Variants in CNTN4 observed in about 807,000 individuals in gnomAD.
The protein encoded by CNTN4 is contactin 4.
CNTN4 carries 77 observed loss-of-function variants against 122.5 expected under a neutral mutation model. That is an observed-to-expected ratio of 0.63 (90% confidence interval 0.52 to 0.76). CNTN4 has a LOEUF of 0.76. Among genes scored for constraint, CNTN4 ranks in the 30% least tolerant of loss-of-function variants. The pLI is 0.00. For synonymous variants in CNTN4, 512 were observed against 447.0 expected, an observed-to-expected ratio of 1.15 and a Z score of -1.83; for missense variants, 1,256 against 1,259.1, an observed-to-expected ratio of 1.00 and a Z score of 0.04.
intron 13 of CNTN4, among the ~76,000 whole-genome samples, chr3:2,939,665 C>A (rs1456355492): frequency 6.6e-6 from 1 of 152,140 alleles, no homozygotes; most frequent in East Asian, 1.9e-4. Context: ...AGATCACTTA[C>A]CCAAACTGCT....
At chr3:2,164,048 T>G (rs2036080182) in intron 2 of CNTN4, among the ~76,000 whole-genome samples, 1 of 152,028 alleles carries the variant, frequency 6.6e-6, no homozygotes, top group Admixed American at 6.6e-5. Flanking sequence ...GGATGGGGGA[T>G]AAAAGACTAC....
rs1281103502 is a variant in CNTN4, at chr3:3,001,766, G to T, written c.1486+13294G>T. ...TTAAATTATTAAGTAGATGCAAATTGACCATGATGGGGATTTGAGAAGACG... is the reference window on the plus strand; with the variant it reads ...TTAAATTATTAAGTAGATGCAAATTTACCATGATGGGGATTTGAGAAGACG... On this transcript the variant is annotated intron_variant, in intron 14 of 24. Coordinates refer to ENST00000418658, the MANE Select transcript of CNTN4 (RefSeq NM_175607.3). 2.0e-5 allele frequency among the ~76,000 whole-genome samples: 3 copies of T among 152,114 alleles called. No individual in the cohort carries two copies. In the East Asian group the frequency reaches 5.8e-4, roughly 29 times the overall value.
At chr3:2,373,723 C>A (rs984741191) in intron 3 of CNTN4, among the ~76,000 whole-genome samples, 11 of 152,108 alleles carry the variant, frequency 7.2e-5, no homozygotes, top group African/African-American at 2.7e-4. Flanking sequence ...AATTTTAAAG[C>A]TTCTATTGTC....
chr3:2,158,483 G>A (rs1201310986), intron 2 of CNTN4, among the ~76,000 whole-genome samples: 1 of 152,178 alleles, frequency 6.6e-6, no homozygotes, highest in Non-Finnish European at 1.5e-5. Flanking sequence ...GACAACCATT[G>A]TAAATGCTTA....
At chr3:2,608,964 TCTC>T (rs1222742117) in intron 4 of CNTN4, among the ~76,000 whole-genome samples, 1 of 152,224 alleles carries the variant, frequency 6.6e-6, no homozygotes, top group Non-Finnish European at 1.5e-5. Flanking sequence ...CTGGTCTTGT[TCTC>T]CTTTCATCTT....
At chr3:2,423,466 CAG>C (rs753460653) in intron 3 of CNTN4, among the ~76,000 whole-genome samples, 5 of 150,522 alleles carry the variant, frequency 3.3e-5, no homozygotes, top group Non-Finnish European at 5.9e-5. Flanking sequence ...TTCTGAAAGA[CAG>C]GGTGAAAACT....
rs931434647 is a variant in CNTN4, at chr3:2,780,999, G to T, written c.358+35302G>T. Among the ~76,000 whole-genome samples the T allele has an allele frequency of 7.9e-5, 12 of 152,246 alleles. 1 individual carries two copies. The Middle Eastern group carries it at 0.01, about 129-fold the overall frequency. ...AGACTGTTCTGGGAACTCTAGGAAA[G>T]CAGGAGGCAAATCAACTATGGTCCT... is the stretch of plus-strand genomic sequence containing the variant. On this transcript the variant is annotated intron_variant, in intron 6 of 24. Coordinates refer to ENST00000418658, the MANE Select transcript of CNTN4 (RefSeq NM_175607.3).
chr3:2,879,501 A>T (rs1416258461), intron 8 of CNTN4, among the ~76,000 whole-genome samples: 1 of 152,242 alleles, frequency 6.6e-6, no homozygotes, highest in African/African-American at 2.4e-5. Flanking sequence ...GTGGAATATT[A>T]TTCTGCAATA....
intron 4 of CNTN4, among the ~76,000 whole-genome samples, chr3:2,627,517 G>A (rs1471737354): frequency 3.1e-5 from 4 of 129,144 alleles, no homozygotes; most frequent in Admixed American, 8.4e-5. Flanking sequence ...TTTTTGAGAT[G>A]GAATCTCACT....
At chr3:2,771,557 C>CA (rs1218794290) in intron 6 of CNTN4, among the ~76,000 whole-genome samples, 1 of 152,120 alleles carries the variant, frequency 6.6e-6, no homozygotes, top group Non-Finnish European at 1.5e-5. Flanking sequence ...ATGTGAGTAT[C>CA]AATGGCCATT....
chr3:2,768,906 A>C (rs1274329712), intron 6 of CNTN4, among the ~76,000 whole-genome samples: 2 of 152,150 alleles, frequency 1.3e-5, no homozygotes, highest in Non-Finnish European at 2.9e-5. Context: ...TGACTTCCTC[A>C]AGTTCGTGAT....
At chr3:2,254,482 G>A (rs1165417268) in intron 2 of CNTN4, among the ~76,000 whole-genome samples, 2 of 152,156 alleles carry the variant, frequency 1.3e-5, no homozygotes, top group African/African-American at 2.4e-5. Context: ...TTCCACAGTG[G>A]TTGAACTAAT....
intron 4 of CNTN4, among the ~76,000 whole-genome samples, chr3:2,588,938 C>T (rs994372463): frequency 6.6e-6 from 1 of 151,964 alleles, no homozygotes; most frequent in Non-Finnish European, 1.5e-5. Context: ...TGTATTTTAA[C>T]TCATGTACTA....
intron 7 of CNTN4, among the ~76,000 whole-genome samples, chr3:2,846,468 C>A (rs1399399281): frequency 6.6e-6 from 1 of 152,172 alleles, no homozygotes; most frequent in Admixed American, 6.5e-5. Context: ...GTCAATTAAA[C>A]CTCTTTCCTT....
intron 12 of CNTN4, among the ~76,000 whole-genome samples, chr3:2,924,597 C>A (rs1477266163): frequency 6.6e-6 from 1 of 152,058 alleles, no homozygotes; most frequent in Non-Finnish European, 1.5e-5. Context: ...AAATATGTAT[C>A]TTTTGTTTTA....
In CNTN4 at chr3:2,170,213, G is replaced by A. The variant is rs569639464; in HGVS notation, c.-145+69574G>A. ...GCGGCGCCTGTAGTCCCAGCTACTC[G>A]GGAGGCTGAGGCGGGAGAATGGCGG... On this transcript the variant is annotated intron_variant, in intron 2 of 24. Transcript: ENST00000418658. Among the ~76,000 whole-genome samples, 20 of 151,804 alleles carry A rather than the reference G, an allele frequency of 1.3e-4. No homozygotes were observed. In the South Asian group the frequency reaches 2.5e-3, roughly 19 times the overall value.
intron 23 of CNTN4, among the ~76,000 whole-genome samples, chr3:3,052,916 G>C (rs559461586): frequency 1.3e-3 from 202 of 152,296 alleles, no homozygotes; most frequent in African/African-American, 4.3e-3. Context: ...TATTGTGCCT[G>C]GCTTGTGCTC....
intron 4 of CNTN4, among the ~76,000 whole-genome samples, chr3:2,602,536 T>C (rs2081090689): frequency 6.6e-6 from 1 of 152,124 alleles, no homozygotes; most frequent in Non-Finnish European, 1.5e-5. Context: ...TTACAAGGGA[T>C]GTGAAGGACC....
intron 2 of CNTN4, among the ~76,000 whole-genome samples, chr3:2,292,759 T>A (rs1338681967): frequency 6.6e-6 from 1 of 152,224 alleles, no homozygotes; most frequent in Non-Finnish European, 1.5e-5. Flanking sequence ...CTTTTTCAAT[T>A]CCAGATAGTA....
Sources: gnomAD v4.1 joint callset for allele counts (sites outside exome capture counted in the v4.1 genomes callset) on GRCh38, gnomAD v4.1.1 for gene constraint, MANE v1.5 for transcripts, NCBI Gene and HGNC (gene_info 2026-07-23, HGNC 2026-07-21) for gene names.